Variants in WWOX observed in about 807,000 individuals in gnomAD.
WWOX encodes WW domain-containing oxidoreductase.
Under a neutral mutation model 46.2 loss-of-function variants are expected in WWOX, and 69 were observed. The observed-to-expected ratio is 1.49, with a 90% CI of 1.23 to 1.82. WWOX has a LOEUF of 1.82. Ranked by LOEUF, WWOX falls within the 40% of genes most tolerant of loss-of-function variation. The probability of loss-of-function intolerance (pLI) is 0.00; values close to 1 mark genes in which losing one functional copy is unlikely to be tolerated. For missense variants in WWOX, 919 were observed against 542.6 expected (o/e 1.69, Z -6.89); for synonymous variants, 359 against 202.6 (o/e 1.77, Z -6.56).
chr16:79,176,911 C>T (rs1355831355), intron 8 of WWOX, among the ~76,000 whole-genome samples: 3 of 152,098 alleles, frequency 2.0e-5, no homozygotes, highest in Non-Finnish European at 2.9e-5. Flanking sequence ...ACTTTGGCTC[C>T]CCTTCCTGTG....
intron 8 of WWOX, among the ~76,000 whole-genome samples, chr16:78,480,358 A>G (rs2060514029): frequency 6.6e-6 from 1 of 152,392 alleles, no homozygotes; most frequent in East Asian, 1.9e-4. Context: ...AGGAAACATT[A>G]TAACTTCTGT....
At chr16:78,869,891 G>C (rs2044089670) in intron 8 of WWOX, among the ~76,000 whole-genome samples, 1 of 152,156 alleles carries the variant, frequency 6.6e-6, no homozygotes, top group Non-Finnish European at 1.5e-5. Context: ...AAATAACTGA[G>C]GGGCCAGCAC....
intron 4 of WWOX, among the ~76,000 whole-genome samples, chr16:78,161,839 A>T (rs1274664579): frequency 6.6e-6 from 1 of 152,198 alleles, no homozygotes; most frequent in East Asian, 1.9e-4. Flanking sequence ...TTAAAATCTA[A>T]TATAAATCAG....
rs112204461 is a variant in WWOX at position 78,930,016 on chromosome 16, G to A, written c.1057-281592G>A. On this transcript the variant is annotated intron_variant, in intron 8 of 8. Coordinates refer to ENST00000566780, the MANE Select transcript of WWOX (RefSeq NM_016373.4). The stretch of plus-strand genomic sequence containing the variant: ...ATGTGACCCAGTTCTAGCGAATGGG[G>A]TGGCAGGGAAGTCCCACATGGACTT... Among the ~76,000 whole-genome samples the A allele has an allele frequency of 7.9e-5, 12 of 152,250 alleles. No homozygotes were observed. In the South Asian group the frequency reaches 2.3e-3, roughly 29 times the overall value.
intron 8 of WWOX, among the ~76,000 whole-genome samples, chr16:78,993,851 G>C (rs1240198316): frequency 6.6e-6 from 1 of 152,174 alleles, no homozygotes; most frequent in Admixed American, 6.5e-5. Flanking sequence ...TCTCCACGGC[G>C]GAGCCCGCTG....
chr16:78,209,770 C>A (rs2036501481), intron 5 of WWOX, among the ~76,000 whole-genome samples: 1 of 150,108 alleles, frequency 6.7e-6, no homozygotes, highest in Admixed American at 6.6e-5. Flanking sequence ...CTTGAATAAT[C>A]ATGTACAAAT....
At chr16:78,796,033 A>G (rs1053239456) in intron 8 of WWOX, among the ~76,000 whole-genome samples, 1 of 150,646 alleles carries the variant, frequency 6.6e-6, no homozygotes, top group Admixed American at 6.6e-5. Flanking sequence ...AGTTTGTGGC[A>G]ATATTTGCTC....
intron 8 of WWOX, among the ~76,000 whole-genome samples, chr16:78,689,544 C>T (rs1035084359): frequency 5.9e-5 from 9 of 152,200 alleles, no homozygotes; most frequent in Non-Finnish European, 8.8e-5. Flanking sequence ...AAGAGTCATT[C>T]TAAGTCAGTC....
At chr16:78,963,749 A>AG (rs1436229515) in intron 8 of WWOX, among the ~76,000 whole-genome samples, 21 of 152,232 alleles carry the variant, frequency 1.4e-4, no homozygotes, top group Non-Finnish European at 2.2e-4. Context: ...TTTAAGATAC[A>AG]GAAAGTGGGC....
At chr16:78,642,830 C>T (rs2046752763) in intron 8 of WWOX, among the ~76,000 whole-genome samples, 1 of 152,176 alleles carries the variant, frequency 6.6e-6, no homozygotes, top group African/African-American at 2.4e-5. Flanking sequence ...CTGTCCAGCT[C>T]TTTAGGATTA....
At chr16:78,331,895 G>C (rs914300640) in intron 5 of WWOX, among the ~76,000 whole-genome samples, 4 of 152,176 alleles carry the variant, frequency 2.6e-5, no homozygotes, top group Non-Finnish European at 5.9e-5. Context: ...CAGAAACTAA[G>C]ATTTAGAGAG....
At chr16:78,612,046 C>A (rs756887651) in intron 8 of WWOX, among the ~76,000 whole-genome samples, 3 of 152,172 alleles carry the variant, frequency 2.0e-5, no homozygotes, top group Non-Finnish European at 4.4e-5. Flanking sequence ...CAAGTTGGAT[C>A]CTGGTGTGCA....
chr16:79,089,324 G>A (rs1240271821), intron 8 of WWOX, among the ~76,000 whole-genome samples: 1 of 126,850 alleles, frequency 7.9e-6, no homozygotes, highest in African/African-American at 3.4e-5. Context: ...GAACGTTCAA[G>A]GTGGGGACCT....
At chr16:79,000,853 C>G (rs908244999) in intron 8 of WWOX, among the ~76,000 whole-genome samples, 4 of 152,180 alleles carry the variant, frequency 2.6e-5, no homozygotes, top group Admixed American at 2.6e-4. Flanking sequence ...CCCTGGACCT[C>G]TCTTCCATGG....
chr16:79,082,184 A>T (rs906069819), intron 8 of WWOX, among the ~76,000 whole-genome samples: 1 of 152,150 alleles, frequency 6.6e-6, no homozygotes, highest in Admixed American at 6.5e-5. Context: ...ATTCCCTGAC[A>T]CTCACCTGAA....
At chr16:78,777,151 C>T (rs2050211484) in intron 8 of WWOX, among the ~76,000 whole-genome samples, 1 of 151,954 alleles carries the variant, frequency 6.6e-6, no homozygotes, top group Admixed American at 6.6e-5. Context: ...TTCTAGGGTC[C>T]AACATGCCAT....
intron 8 of WWOX, among the ~76,000 whole-genome samples, chr16:78,519,410 T>C (rs916399209): frequency 6.6e-6 from 1 of 152,142 alleles, no homozygotes; most frequent in African/African-American, 2.4e-5. Flanking sequence ...CGTCAGACCT[T>C]TCCATGGAAG....
intron 8 of WWOX, among the ~76,000 whole-genome samples, chr16:78,718,092 G>GTTTTTTTTTTTTTT: frequency 1.4e-5 from 2 of 139,614 alleles, no homozygotes; most frequent in African/African-American, 5.8e-5. Context: ...GGTTCTGGTG[G>GTTTTTTTTTTTTTT]TTGTATTTTT....
chr16:78,603,904 G>A (rs546280757), intron 8 of WWOX, among the ~76,000 whole-genome samples: 1 of 152,208 alleles, frequency 6.6e-6, no homozygotes, highest in Non-Finnish European at 1.5e-5. Flanking sequence ...CACTTCAGGA[G>A]GCTGACGTGG....
Sources: gnomAD v4.1 joint callset for allele counts (sites outside exome capture counted in the v4.1 genomes callset) on GRCh38, gnomAD v4.1.1 for gene constraint, MANE v1.5 for transcripts, NCBI Gene and HGNC (gene_info 2026-07-23, HGNC 2026-07-21) for gene names.